The following LRFN5 variants were observed in gnomAD, a reference collection of about 807,000 sequenced individuals.
LRFN5 encodes the protein leucine-rich repeat and fibronectin type-III domain-containing protein 5.
In LRFN5, 24 loss-of-function variants were observed where a neutral mutation model predicts 45.6. The observed-to-expected ratio is 0.53, with a 90% CI of 0.38 to 0.74. The LOEUF (loss-of-function observed/expected upper bound fraction) is 0.74. LRFN5 is among the 30% of genes least tolerant of loss of function. The probability of loss-of-function intolerance (pLI) is 0.00; values close to 1 mark genes in which losing one functional copy is unlikely to be tolerated. For synonymous variants in LRFN5, 340 were observed against 313.8 expected (o/e 1.08, Z -0.88); for missense variants, 776 against 861.5 (o/e 0.90, Z 1.24).
chr14:41,747,957 C>T (rs1884987705), intron 1 of LRFN5, among the ~76,000 whole-genome samples: 1 of 152,040 alleles, frequency 6.6e-6, no homozygotes, highest in African/African-American at 2.4e-5. Flanking sequence ...CCATGTAATA[C>T]TACTTCGTAA....
chr14:41,775,252 G>C (rs1016257373), intron 2 of LRFN5, among the ~76,000 whole-genome samples: 1 of 151,718 alleles, frequency 6.6e-6, no homozygotes, highest in Admixed American at 6.6e-5. Flanking sequence ...CACCAGGCCC[G>C]GCTAATTTTT....
chr14:41,828,591 A>C (rs1888373617), intron 2 of LRFN5, among the ~76,000 whole-genome samples: 1 of 151,982 alleles, frequency 6.6e-6, no homozygotes, highest in Admixed American at 6.6e-5. Context: ...CAAGTCAGAA[A>C]TCTGGAAGTC....
intron 1 of LRFN5, among the ~76,000 whole-genome samples, chr14:41,632,473 T>G (rs1888575630): frequency 6.6e-6 from 1 of 152,088 alleles, no homozygotes; most frequent in Admixed American, 6.6e-5. Context: ...TGTGGTGGTA[T>G]GCACCTTTAA....
chr14:41,677,964 A>G (rs1395834525), intron 1 of LRFN5, among the ~76,000 whole-genome samples: 3 of 152,078 alleles, frequency 2.0e-5, no homozygotes, highest in African/African-American at 7.2e-5. Context: ...ATAAATTTAA[A>G]TGTGAATGAA....
intron 1 of LRFN5, among the ~76,000 whole-genome samples, chr14:41,743,544 A>C (rs1290145252): frequency 6.6e-6 from 1 of 152,222 alleles, no homozygotes; most frequent in Non-Finnish European, 1.5e-5. Flanking sequence ...GGATGAGGAA[A>C]ATGAAAATGT....
chr14:41,851,194 A>G (rs919173632), intron 2 of LRFN5, among the ~76,000 whole-genome samples: 4 of 151,740 alleles, frequency 2.6e-5, no homozygotes, highest in African/African-American at 9.7e-5. Context: ...CTGTAATTAA[A>G]CTGTGGAAAT....
intron 1 of LRFN5, among the ~76,000 whole-genome samples, chr14:41,671,604 AT>A (rs776231551): frequency 0.32 from 28,485 of 89,624 alleles, 3,392 homozygotes; most frequent in Middle Eastern, 0.45. Context: ...TGGAGGAGAG[AT>A]TTTTTTTTTT....
chr14:41,830,565 A>G (rs1467142584), intron 2 of LRFN5, among the ~76,000 whole-genome samples: 1 of 152,134 alleles, frequency 6.6e-6, no homozygotes, highest in African/African-American at 2.4e-5. Flanking sequence ...CAGAGCTACT[A>G]TAAATTTTGA....
At chr14:41,767,461 T>G (rs1242223081) in intron 2 of LRFN5, among the ~76,000 whole-genome samples, 1 of 152,140 alleles carries the variant, frequency 6.6e-6, no homozygotes, top group Non-Finnish European at 1.5e-5. Flanking sequence ...AAAATAAGTG[T>G]TGTTTCCATG....
intron 1 of LRFN5, among the ~76,000 whole-genome samples, chr14:41,689,923 C>T (rs1239501691): frequency 1.3e-5 from 2 of 148,760 alleles, no homozygotes; most frequent in East Asian, 3.9e-4. Context: ...AAAAAAATTA[C>T]CCACCAAAAA....
At chr14:41,637,129 T>C (rs1346710198) in intron 1 of LRFN5, among the ~76,000 whole-genome samples, 28 of 152,146 alleles carry the variant, frequency 1.8e-4, no homozygotes, top group Non-Finnish European at 1.5e-5. Context: ...GTTCATTCTG[T>C]AGATATGCTT....
chr14:41,686,274 T>G (rs563723893), intron 1 of LRFN5, among the ~76,000 whole-genome samples: 80 of 152,000 alleles, frequency 5.3e-4, no homozygotes, highest in Middle Eastern at 3.4e-3. Context: ...GCTTGCATAT[T>G]GTTGGTGTAA....
At chr14:41,634,350 TC>T (rs1407966728) in intron 1 of LRFN5, among the ~76,000 whole-genome samples, 1 of 152,162 alleles carries the variant, frequency 6.6e-6, no homozygotes, top group East Asian at 1.9e-4. Flanking sequence ...GTTAGGAAGT[TC>T]TTCTAGTGAT....
chr14:41,875,661 G>C (rs1376841211), intron 2 of LRFN5, among the ~76,000 whole-genome samples: 1 of 152,192 alleles, frequency 6.6e-6, no homozygotes, highest in Non-Finnish European at 1.5e-5. Context: ...CTTCAGTCAT[G>C]TTTTCACTTA....
intron 3 of LRFN5, among the ~76,000 whole-genome samples, chr14:41,890,548 A>G (rs564357704): frequency 3.3e-5 from 5 of 151,912 alleles, no homozygotes; most frequent in Admixed American, 1.3e-4. Context: ...TCTACTAAAA[A>G]TACAAAAAAT....
intron 1 of LRFN5, among the ~76,000 whole-genome samples, chr14:41,662,821 G>C (rs1880718022): frequency 6.6e-6 from 1 of 152,002 alleles, no homozygotes; most frequent in African/African-American, 2.4e-5. Flanking sequence ...TGACTAACCT[G>C]CACAACACAA....
At position 41,607,089 on chromosome 14, in the gene LRFN5, G is replaced by T. The variant is rs1239842036; in HGVS notation, c.-1670G>T. 3.3e-5 allele frequency among the ~76,000 whole-genome samples: 5 copies of T among 152,304 alleles called. No homozygotes were observed. The highest frequency in any genetic ancestry group is 2.0e-4 in the Admixed American group (3 of 15,304). On this transcript the variant is annotated 5_prime_UTR_variant, in exon 1 of 6. Coordinates refer to ENST00000298119, the MANE Select transcript of LRFN5 (RefSeq NM_152447.5). ...GGCGGGGCGCTGTGTTCCGCGGCGCGCAGGGAGGCGGTGAGCGTGTGCAGA... is the reference window on the plus strand; with the variant it reads ...GGCGGGGCGCTGTGTTCCGCGGCGCTCAGGGAGGCGGTGAGCGTGTGCAGA...
intron 2 of LRFN5, among the ~76,000 whole-genome samples, chr14:41,811,429 C>G (rs1488798651): frequency 1.3e-5 from 2 of 151,970 alleles, no homozygotes; most frequent in African/African-American, 4.8e-5. Flanking sequence ...TATACATACT[C>G]AAGAGAGGTG....
intron 1 of LRFN5, among the ~76,000 whole-genome samples, chr14:41,630,507 T>G (rs1209285891): frequency 6.6e-6 from 1 of 152,134 alleles, no homozygotes; most frequent in East Asian, 1.9e-4. Flanking sequence ...CAATCTGTAT[T>G]GTTTGCTTAG....
Sources: gnomAD v4.1 joint callset for allele counts (sites outside exome capture counted in the v4.1 genomes callset) on GRCh38, gnomAD v4.1.1 for gene constraint, MANE v1.5 for transcripts, NCBI Gene and HGNC (gene_info 2026-07-23, HGNC 2026-07-21) for gene names.